ANKRD28: variants seen among roughly 807,000 people sequenced by gnomAD.
ANKRD28 encodes the protein ankyrin repeat domain 28.
A neutral mutation model predicts 126.5 loss-of-function variants in ANKRD28; 44 were observed. The observed-to-expected ratio is 0.35, with a 90% CI of 0.27 to 0.45. The LOEUF is 0.45. Among genes scored for constraint, ANKRD28 ranks in the 20% least tolerant of loss-of-function variants. The probability of loss-of-function intolerance (pLI) is 1.00; values close to 1 mark genes in which losing one functional copy is unlikely to be tolerated. For missense variants in ANKRD28, 1,110 were observed against 1,316.6 expected, an observed-to-expected ratio of 0.84 and a Z score of 2.43; for synonymous variants, 442 against 468.5, an observed-to-expected ratio of 0.94 and a Z score of 0.73.
At chr3:15,697,121 A>G (rs1021714042) in intron 14 of ANKRD28, among the ~76,000 whole-genome samples, 1 of 152,228 alleles carries the variant, frequency 6.6e-6, no homozygotes, top group African/African-American at 2.4e-5. Context: ...CATAGAAAGG[A>G]ACAAAATAAT....
chr3:15,840,907 G>A (rs1218683785), intron 1 of ANKRD28, among the ~76,000 whole-genome samples: 4 of 152,190 alleles, frequency 2.6e-5, no homozygotes, highest in South Asian at 2.1e-4. Flanking sequence ...TTGGGAGGCC[G>A]AGGTGGGCGG....
In ANKRD28 at chr3:15,814,015, GAAA is replaced by G. The variant is rs1294730088; in HGVS notation, c.28-18712_28-18710del. Among the ~76,000 whole-genome samples, 1 of 152,116 alleles carries G rather than the reference GAAA, an allele frequency of 6.6e-6. No individual in the cohort carries two copies. The highest frequency in any genetic ancestry group is 1.5e-5 in the Non-Finnish European group (1 of 68,016). The stretch of plus-strand genomic sequence containing the variant: ...CTTAGATTTATAAGCCCCCTCCACT[GAAA>G]ATTTACTTGAATTATAAAACGGCTA... On this transcript the variant is annotated intron_variant, in intron 1 of 27. Transcript: ENST00000399451. The surrounding 1 kb of genome is among the most constrained non-coding windows in gnomAD (Gnocchi z 4.7).
chr3:15,818,318 C>T (rs1288001686), intron 1 of ANKRD28, among the ~76,000 whole-genome samples: 1 of 152,134 alleles, frequency 6.6e-6, no homozygotes, highest in East Asian at 1.9e-4. Context: ...CATATGACGC[C>T]ACAAGTGGAA....
rs150449378 is a variant in ANKRD28, at chr3:15,838,922, T to C, written c.27+20455A>G. On this transcript the variant is annotated intron_variant, in intron 1 of 27. Transcript: ENST00000399451. The surrounding 1 kb of genome is among the most constrained non-coding windows in gnomAD (Gnocchi z 4.0). Reference sequence around the variant, plus strand: ...GATATATCCATACAATGGAATACTATTCAGCAACGAAGAACCAATTAATAC... The same window carrying C: ...GATATATCCATACAATGGAATACTACTCAGCAACGAAGAACCAATTAATAC... 3.4e-3 allele frequency among the ~76,000 whole-genome samples: 520 copies of C among 152,308 alleles called. 3 individuals carry two copies. Among genetic ancestry groups the C allele is most frequent in the African/African-American group, 0.012 (502 of 41,570 alleles).
At chr3:15,840,078 C>A in intron 1 of ANKRD28, among the ~76,000 whole-genome samples, 1 of 152,230 alleles carries the variant, frequency 6.6e-6, no homozygotes, top group Non-Finnish European at 1.5e-5. Context: ...AAATAAAGAG[C>A]ATCCAAACTG....
intron 1 of ANKRD28, among the ~76,000 whole-genome samples, chr3:15,803,602 C>T (rs1308937908): frequency 2.9e-5 from 4 of 138,956 alleles, no homozygotes; most frequent in Admixed American, 7.4e-5. Flanking sequence ...GGCGACAGAG[C>T]GAGACTCCAT....
intron 14 of ANKRD28, among the ~76,000 whole-genome samples, chr3:15,702,658 C>G (rs1216548478): frequency 2.6e-5 from 4 of 152,074 alleles, no homozygotes; most frequent in African/African-American, 9.7e-5. Flanking sequence ...ATTTTGAGTT[C>G]TGAGGCAAGT....
chr3:15,679,569 T>C lies in ANKRD28; in HGVS notation c.2390-6A>G, dbSNP rs2067302605. 6.2e-7 allele frequency: 1 copy of C among 1,605,170 alleles called. No individual in the cohort carries two copies. ...TTCTACACATGTCTCGTGACCTAAATAGGTGTAAAGAACCAGGTATTAAAA... is the reference window on the plus strand; with the variant it reads ...TTCTACACATGTCTCGTGACCTAAACAGGTGTAAAGAACCAGGTATTAAAA... On this transcript the variant is annotated splice_polypyrimidine_tract_variant and splice_region_variant and intron_variant, in intron 21 of 27. Coordinates refer to ENST00000683139, the MANE Select transcript of ANKRD28 (RefSeq NM_001349278.2).
intron 8 of ANKRD28, among the ~76,000 whole-genome samples, chr3:15,719,270 G>C (rs1040700517): frequency 1.3e-5 from 2 of 152,126 alleles, no homozygotes; most frequent in Non-Finnish European, 2.9e-5. Context: ...ATCATTAAAG[G>C]CTTCACTGAA....
At chr3:15,712,073 TAG>T (rs2072367277) in intron 11 of ANKRD28, 65 bp downstream of exon 11, 13 of 1,211,958 alleles carry the variant, frequency 1.1e-5, no homozygotes, top group Middle Eastern at 1.9e-4. Flanking sequence ...AAAAGCAGGA[TAG>T]AGACCATCTA....
chr3:15,854,671 T>A lies in ANKRD28; in HGVS notation c.27+4706A>T, dbSNP rs1472875357. On this transcript the variant is annotated intron_variant, in intron 1 of 27. Coordinates refer to the ANKRD28 transcript ENST00000399451. The surrounding 1 kb of genome is among the most constrained non-coding windows in gnomAD (Gnocchi z 4.1). Reference sequence around the variant, plus strand: ...GTATCTCACTTACCCTACATCTATGTGTTTTTTTTTTCCCCTCTTCTAAGA... The same window carrying A: ...GTATCTCACTTACCCTACATCTATGAGTTTTTTTTTTCCCCTCTTCTAAGA... 6.6e-6 allele frequency among the ~76,000 whole-genome samples: 1 copy of A among 152,010 alleles called. No individual in the cohort carries two copies. Among genetic ancestry groups the A allele is most frequent in the Non-Finnish European group, 1.5e-5 (1 of 68,008 alleles).
chr3:15,819,604 G>C (rs2060901457), intron 1 of ANKRD28, among the ~76,000 whole-genome samples: 1 of 152,190 alleles, frequency 6.6e-6, no homozygotes, highest in Non-Finnish European at 1.5e-5. Flanking sequence ...AGATGGAAGA[G>C]ACAATTTTTA....
chr3:15,672,163 T>TC (rs2066435177), intron 27 of ANKRD28, among the ~76,000 whole-genome samples: 2 of 148,030 alleles, frequency 1.4e-5, no homozygotes, highest in Non-Finnish European at 2.9e-5. Flanking sequence ...TTTTTTTTTT[T>TC]GAGACAGGGT....
At position 15,838,250 on chromosome 3, in the gene ANKRD28, T is replaced by C. The variant is rs905817174; in HGVS notation, c.27+21127A>G. ...TCTAGATACTTCAATAGAAAACACT[T>C]TCTAATTCCCTCCATGAGGCTAACA... On this transcript the variant is annotated intron_variant, in intron 1 of 27. Coordinates refer to the ANKRD28 transcript ENST00000399451. This position sits in a 1 kb window ranked among gnomAD's most constrained non-coding sequence, Gnocchi z 4.0. Among the ~76,000 whole-genome samples, 1 of 152,168 alleles carries C rather than the reference T, an allele frequency of 6.6e-6. No individual in the cohort carries two copies. The highest frequency in any genetic ancestry group is 1.5e-5 in the Non-Finnish European group (1 of 68,032).
chr3:15,767,965 C>T (rs2058828397), intron 2 of ANKRD28, among the ~76,000 whole-genome samples: 1 of 152,046 alleles, frequency 6.6e-6, no homozygotes, highest in African/African-American at 2.4e-5. Context: ...CTGCTTCCCA[C>T]AGGCTGGAAG....
At chr3:15,798,178 C>G (rs2125839809), upstream of ANKRD28, 1 of 985,382 alleles carries the variant, frequency 1.0e-6, no homozygotes, top group South Asian at 4.7e-5. Context: ...CCTCTGCTGA[C>G]TAACAGTGGT....
intron 18 of ANKRD28, chr3:15,686,570 A>G (rs1307377165): frequency 4.3e-6 from 2 of 462,874 alleles, no homozygotes; most frequent in African/African-American, 4.0e-5. Context: ...CTCTAAAAGA[A>G]TGCTCATTTT....
intron 14 of ANKRD28, among the ~76,000 whole-genome samples, chr3:15,698,245 T>C (rs974869491): frequency 2.0e-5 from 3 of 152,310 alleles, no homozygotes; most frequent in South Asian, 2.1e-4. Flanking sequence ...TATCTCAAAA[T>C]AGTAAGGGCT....
intron 6 of ANKRD28, among the ~76,000 whole-genome samples, chr3:15,734,303 G>A (rs2074864953): frequency 6.6e-6 from 1 of 152,350 alleles, no homozygotes; most frequent in East Asian, 1.9e-4. Context: ...ATTTTTAAAT[G>A]AGAGTCAAGA....
Sources: allele counts gnomAD v4.1 joint callset (sites outside exome capture counted in the v4.1 genomes callset), GRCh38; gene constraint gnomAD v4.1.1; non-coding constraint Gnocchi (gnomAD v3.1); transcripts MANE v1.5; gene names NCBI Gene and HGNC (gene_info 2026-07-23, HGNC 2026-07-21).